Variants in NRXN3 observed in about 807,000 individuals in gnomAD.
NRXN3 encodes the protein neurexin III.
Under a neutral mutation model 137.6 loss-of-function variants are expected in NRXN3, and 32 were observed. The observed-to-expected ratio is 0.23, with a 90% CI of 0.18 to 0.31. The LOEUF (loss-of-function observed/expected upper bound fraction) is 0.31, where lower values mean the gene tolerates loss of function less well. NRXN3 is among the 10% of genes least tolerant of loss of function. NRXN3 has a pLI of 1.00. For synonymous variants in NRXN3, 798 were observed against 784.5 expected (o/e 1.02, Z -0.29); for missense variants, 1,574 against 2,062.5 (o/e 0.76, Z 4.59).
At chr14:78,938,171 A>G (rs1417577866) in intron 10 of NRXN3, among the ~76,000 whole-genome samples, 1 of 152,240 alleles carries the variant, frequency 6.6e-6, no homozygotes, top group Admixed American at 6.5e-5. Context: ...TATCCCCTTG[A>G]TTAAAGTGAT....
chr14:79,451,817 C>A (rs1248389756), intron 15 of NRXN3, among the ~76,000 whole-genome samples: 1 of 152,172 alleles, frequency 6.6e-6, no homozygotes, highest in Non-Finnish European at 1.5e-5. Context: ...AAGCTGTTCT[C>A]TAAGTTTCTT....
intron 16 of NRXN3, among the ~76,000 whole-genome samples, chr14:79,485,417 T>G (rs1387370155): frequency 6.6e-6 from 1 of 152,166 alleles, no homozygotes; most frequent in Admixed American, 6.6e-5. Context: ...TCAAGTTATA[T>G]CACCTTCTGA....
At chr14:79,552,736 C>A (rs1050744956) in intron 16 of NRXN3, among the ~76,000 whole-genome samples, 5 of 152,026 alleles carry the variant, frequency 3.3e-5, no homozygotes, top group African/African-American at 1.2e-4. Context: ...CACTATGGGG[C>A]AGGTGATGAC....
intron 10 of NRXN3, among the ~76,000 whole-genome samples, chr14:78,931,440 A>G (rs2099321631): frequency 1.3e-5 from 2 of 152,184 alleles, no homozygotes; most frequent in Admixed American, 6.5e-5. Flanking sequence ...CCATGCGATA[A>G]TGATAGGACT....
intron 7 of NRXN3, 65 bp from the exon 8 acceptor site, chr14:78,714,691 G>C: frequency 1.3e-6 from 2 of 1,568,436 alleles, no homozygotes; most frequent in Non-Finnish European, 1.7e-6. Context: ...GCACTCACCT[G>C]TTAGGTTTCT....
At chr14:78,543,506 G>A (rs2096611067) in intron 4 of NRXN3, among the ~76,000 whole-genome samples, 1 of 151,980 alleles carries the variant, frequency 6.6e-6, no homozygotes, top group Non-Finnish European at 1.5e-5. Context: ...GAGACTTGGA[G>A]CCTTGGGATC....
intron 15 of NRXN3, among the ~76,000 whole-genome samples, chr14:79,080,529 C>A (rs1391966117): frequency 6.6e-6 from 1 of 152,130 alleles, no homozygotes; most frequent in Non-Finnish European, 1.5e-5. Context: ...GGGATATATA[C>A]CACTTTCTCA....
At chr14:78,611,970 T>A (rs1374231706) in intron 4 of NRXN3, among the ~76,000 whole-genome samples, 3 of 152,188 alleles carry the variant, frequency 2.0e-5, no homozygotes, top group African/African-American at 7.2e-5. Flanking sequence ...GCTCATTACC[T>A]CCTATTGCAT....
chr14:79,386,308 T>C (rs1227482925), intron 15 of NRXN3, among the ~76,000 whole-genome samples: 1 of 151,988 alleles, frequency 6.6e-6, no homozygotes, highest in African/African-American at 2.4e-5. Context: ...TATATACCAA[T>C]AACAGACAAA....
chr14:79,434,175 C>G (rs902097311), intron 15 of NRXN3, among the ~76,000 whole-genome samples: 11 of 152,154 alleles, frequency 7.2e-5, no homozygotes, highest in Admixed American at 6.5e-5. Context: ...TAACATTTTT[C>G]TGAAACAAAA....
intron 4 of NRXN3, among the ~76,000 whole-genome samples, chr14:78,342,300 A>T (rs1326998647): frequency 6.6e-6 from 1 of 152,220 alleles, no homozygotes; most frequent in Admixed American, 6.5e-5. Flanking sequence ...TGAGAAATAC[A>T]TGCCATTCTG....
chr14:78,445,317 C>G (rs2094388113), intron 4 of NRXN3, among the ~76,000 whole-genome samples: 1 of 152,176 alleles, frequency 6.6e-6, no homozygotes, highest in South Asian at 2.1e-4. Flanking sequence ...CATTATCTCT[C>G]CGGAACTCAG....
At chr14:78,253,529 G>A (rs1156401991) in intron 2 of NRXN3, among the ~76,000 whole-genome samples, 2 of 152,050 alleles carry the variant, frequency 1.3e-5, no homozygotes, top group African/African-American at 4.8e-5. Context: ...AAAAAAATTA[G>A]CCAGGCAAAG....
Position 79,864,631 on chromosome 14 carries a change from A to G in NRXN3, c.*2667A>G, listed in dbSNP as rs1189291205. The G allele has an allele frequency of 6.6e-6, 1 of 152,246 alleles. No individual in the cohort carries two copies. Among genetic ancestry groups the G allele is most frequent in the Admixed American group, 6.5e-5 (1 of 15,292 alleles). The allele number at this position is 152,246 out of a possible 1,614,324, so 9.4% of individuals were successfully genotyped here. ...TTGAGGCATTATTTTTTAGATTGCT[A>G]TGATAGAATAACCAGGAGGGAGTGC... On this transcript the variant is annotated 3_prime_UTR_variant, in exon 21 of 21. Transcript: ENST00000335750.
At chr14:78,681,637 T>C (rs539932562) in intron 6 of NRXN3, among the ~76,000 whole-genome samples, 102 of 152,292 alleles carry the variant, frequency 6.7e-4, no homozygotes, top group Non-Finnish European at 9.3e-4. Context: ...TTGGTTTATT[T>C]TATAGACTGT....
Position 79,804,900 on chromosome 14 carries a change from C to A in NRXN3, c.4015-212C>A, listed in dbSNP as rs548506841. On this transcript the variant is annotated intron_variant, in intron 19 of 20. Transcript: ENST00000335750. ...TTGGGTCACTCAGCTCTACGGAAGACCCCCCTAAGACGGTCTAGACCCAGA... is the reference window on the plus strand; with the variant it reads ...TTGGGTCACTCAGCTCTACGGAAGAACCCCCTAAGACGGTCTAGACCCAGA... Among the ~76,000 whole-genome samples, 163 of 152,152 alleles carry A rather than the reference C, an allele frequency of 1.1e-3. 2 individuals carry two copies. Among genetic ancestry groups the A allele is most frequent in the African/African-American group, 1.7e-3 (71 of 41,506 alleles).
intron 4 of NRXN3, among the ~76,000 whole-genome samples, chr14:78,462,308 A>G (rs765808726): frequency 2.0e-5 from 3 of 152,186 alleles, no homozygotes; most frequent in Non-Finnish European, 4.4e-5. Flanking sequence ...GCACATACAG[A>G]GGCCGAAGGG....
At chr14:78,812,061 A>G (rs1349660617) in intron 10 of NRXN3, among the ~76,000 whole-genome samples, 1 of 152,140 alleles carries the variant, frequency 6.6e-6, no homozygotes, top group African/African-American at 2.4e-5. Flanking sequence ...ACATTTACCC[A>G]TCATAAACCT....
intron 15 of NRXN3, among the ~76,000 whole-genome samples, chr14:79,118,009 G>A (rs1339364136): frequency 6.6e-6 from 1 of 152,222 alleles, no homozygotes; most frequent in Non-Finnish European, 1.5e-5. Context: ...ATTTGCTTGT[G>A]CAAAGAGGCA....
Sources: gnomAD v4.1 joint callset for allele counts (sites outside exome capture counted in the v4.1 genomes callset) on GRCh38, gnomAD v4.1.1 for gene constraint, MANE v1.5 for transcripts, NCBI Gene and HGNC (gene_info 2026-07-23, HGNC 2026-07-21) for gene names.